TENM1: variants seen among roughly 807,000 people sequenced by gnomAD.
TENM1 encodes the protein teneurin transmembrane protein 1.
A neutral mutation model predicts 174.8 loss-of-function variants in TENM1; 35 were observed. The ratio of observed to expected loss-of-function variants is 0.20; its 90% confidence interval spans 0.15 to 0.27. The LOEUF (loss-of-function observed/expected upper bound fraction) is 0.27, where lower values mean the gene tolerates loss of function less well. Among genes scored for constraint, TENM1 ranks in the 10% least tolerant of loss-of-function variants. The probability of loss-of-function intolerance (pLI) is 1.00; values close to 1 mark genes in which losing one functional copy is unlikely to be tolerated. For missense variants in TENM1, 1,633 were observed against 2,130.1 expected, an observed-to-expected ratio of 0.77 and a Z score of 4.59; for synonymous variants, 781 against 798.7, an observed-to-expected ratio of 0.98 and a Z score of 0.37.
intron 3 of TENM1, among the ~76,000 whole-genome samples, chrX:124,790,020 T>A (rs780841385): frequency 8.9e-6 from 1 of 112,134 alleles, no homozygotes; most frequent in South Asian, 3.8e-4. Context: ...GAGAAGGCCT[T>A]ATAATCATAG....
chrX:124,530,774 A>T (rs1028138426), intron 15 of TENM1, among the ~76,000 whole-genome samples: 3 of 112,140 alleles, frequency 2.7e-5, no homozygotes, highest in African/African-American at 9.7e-5. Flanking sequence ...TTTCCCTTTA[A>T]ACAAATGAGT....
chrX:124,698,336 A>G (rs1209710509), intron 5 of TENM1, among the ~76,000 whole-genome samples: 1 of 110,722 alleles, frequency 9.0e-6, no homozygotes, highest in African/African-American at 3.3e-5. Flanking sequence ...TAGCATCACC[A>G]TCTACCCAGT....
the TENM1 span, among the ~76,000 whole-genome samples, chrX:125,091,163 A>T: frequency 9.0e-6 from 1 of 111,064 alleles, no homozygotes; most frequent in Non-Finnish European, 1.9e-5. Flanking sequence ...GTAGAAAGAA[A>T]AAAAAGATGA....
intron 23 of TENM1, among the ~76,000 whole-genome samples, chrX:124,444,097 A>G (rs2060939935): frequency 8.9e-6 from 1 of 112,181 alleles, no homozygotes; most frequent in African/African-American, 3.2e-5. Flanking sequence ...TCTAACAGAT[A>G]ACTAGTCTAT....
chrX:125,027,396 G>C, the TENM1 span, among the ~76,000 whole-genome samples: 1 of 111,533 alleles, frequency 9.0e-6, no homozygotes, highest in Non-Finnish European at 1.9e-5. Flanking sequence ...AAAAGTTATT[G>C]AAGGACATTA....
chrX:124,623,228 A>G (rs752247818), intron 11 of TENM1, among the ~76,000 whole-genome samples: 1 of 109,326 alleles, frequency 9.1e-6, no homozygotes, highest in South Asian at 3.8e-4. Flanking sequence ...TGAACGTGCA[A>G]CAGTGTGTGT....
chrX:124,834,953 TC>T (rs1315044525), intron 3 of TENM1, among the ~76,000 whole-genome samples: 1 of 111,994 alleles, frequency 8.9e-6, no homozygotes, highest in Admixed American at 9.5e-5. Context: ...ACTTATATGC[TC>T]CCCACTGCCT....
the TENM1 span, among the ~76,000 whole-genome samples, chrX:125,111,415 A>T: frequency 9.0e-6 from 1 of 111,016 alleles, no homozygotes; most frequent in African/African-American, 3.3e-5. Flanking sequence ...CGTTTCTATT[A>T]AAATAAATAA....
the TENM1 span, among the ~76,000 whole-genome samples, chrX:125,152,475 T>C: frequency 8.9e-6 from 1 of 112,167 alleles, no homozygotes; most frequent in East Asian, 2.8e-4. Flanking sequence ...GGCACTTAGA[T>C]TCTCTGGTCA....
intron 22 of TENM1, among the ~76,000 whole-genome samples, chrX:124,460,696 G>C (rs2061161205): frequency 9.5e-6 from 1 of 105,784 alleles, no homozygotes; most frequent in Non-Finnish European, 1.9e-5. Context: ...GTTTACCTAC[G>C]TAATAAACCT....
intron 4 of TENM1, among the ~76,000 whole-genome samples, chrX:124,729,154 T>A (rs1286190369): frequency 8.9e-6 from 1 of 112,056 alleles, no homozygotes; most frequent in East Asian, 2.8e-4. Context: ...ATCCATAGAC[T>A]GGGAAGTATA....
intron 3 of TENM1, among the ~76,000 whole-genome samples, chrX:124,755,641 C>T (rs1161621249): frequency 1.8e-5 from 2 of 111,347 alleles, no homozygotes; most frequent in Non-Finnish European, 3.8e-5. Flanking sequence ...TGTTCCTTTC[C>T]ACGTTTAGTG....
At chrX:125,091,312 T>C in the TENM1 span, among the ~76,000 whole-genome samples, 1 of 111,783 alleles carries the variant, frequency 8.9e-6, no homozygotes, top group African/African-American at 3.3e-5. Flanking sequence ...ATGATGAGAT[T>C]TGGAGAACCT....
At chrX:124,706,312 T>C (rs770699062) in intron 4 of TENM1, among the ~76,000 whole-genome samples, 3 of 112,496 alleles carry the variant, frequency 2.7e-5, no homozygotes, top group South Asian at 3.7e-4. Context: ...CAAATTTTAA[T>C]GTAAAATTTA....
At chrX:125,193,407 G>A in the TENM1 span, among the ~76,000 whole-genome samples, 1 of 111,989 alleles carries the variant, frequency 8.9e-6, no homozygotes, top group Admixed American at 9.5e-5. Flanking sequence ...CTTTTTTAGA[G>A]ATGGGGTCTT....
chrX:124,754,916 T>C (rs1254240922), intron 3 of TENM1, among the ~76,000 whole-genome samples: 1 of 106,006 alleles, frequency 9.4e-6, no homozygotes, highest in African/African-American at 3.7e-5. Flanking sequence ...AACTATGTGG[T>C]CAATTTTGGA....
chrX:124,669,863 C>T (rs7065210), intron 6 of TENM1, among the ~76,000 whole-genome samples: 9,038 of 111,772 alleles, frequency 0.081, 703 homozygotes, highest in African/African-American at 0.25. Context: ...AAATCTATCA[C>T]GAATAGACTC....
chrX:125,107,276 T>A, the TENM1 span, among the ~76,000 whole-genome samples: 1 of 112,246 alleles, frequency 8.9e-6, no homozygotes, highest in Admixed American at 9.5e-5. Context: ...ATGATTGAAA[T>A]ATTTTTCCTA....
the TENM1 span, among the ~76,000 whole-genome samples, chrX:124,979,283 A>AC: frequency 0.023 from 2,529 of 111,705 alleles, 58 homozygotes; most frequent in Middle Eastern, 0.079. Context: ...CGGGTACTTA[A>AC]GTGTCGTTTT....
Sources: gnomAD v4.1 joint callset for allele counts (sites outside exome capture counted in the v4.1 genomes callset) on GRCh38, gnomAD v4.1.1 for gene constraint, MANE v1.5 for transcripts, NCBI Gene and HGNC (gene_info 2026-07-23, HGNC 2026-07-21) for gene names.